The following POGLUT1 variants were observed in gnomAD, a reference collection of about 807,000 sequenced individuals.
POGLUT1 encodes 9630046K23Rik.
POGLUT1 carries 32 observed loss-of-function variants against 61.3 expected under a neutral mutation model. The ratio of observed to expected loss-of-function variants is 0.52; its 90% CI spans 0.39 to 0.70. The LOEUF (loss-of-function observed/expected upper bound fraction) is 0.70, where lower values mean the gene tolerates loss of function less well. POGLUT1 is among the 30% of genes least tolerant of loss of function. The probability of loss-of-function intolerance (pLI) is 0.00; values close to 1 mark genes in which losing one functional copy is unlikely to be tolerated. For synonymous variants in POGLUT1, 158 were observed against 158.2 expected (o/e 1.00, Z 0.01); for missense variants, 411 against 469.8 (o/e 0.87, Z 1.16).
intron 3 of POGLUT1, among the ~76,000 whole-genome samples, chr3:119,476,528 C>T (rs2081540057): frequency 6.6e-6 from 1 of 152,032 alleles, no homozygotes; most frequent in African/African-American, 2.4e-5. Context: ...CTCAAATAAC[C>T]CTTCTGCCTA....
In POGLUT1 at chr3:119,480,110, T is replaced by TG. The variant is rs371336038; in HGVS notation, c.517dup (p.Val173GlyfsTer61). The TG allele has an allele frequency of 6.2e-7, 1 of 1,613,142 alleles. No individual in the cohort carries two copies. The highest frequency in any genetic ancestry group is 1.3e-5 in the African/African-American group (1 of 74,992). On this transcript the variant is annotated frameshift_variant, in exon 5 of 11. Coordinates refer to ENST00000295588, the MANE Select transcript of POGLUT1 (RefSeq NM_152305.3). LOFTEE classifies it high-confidence loss of function. Reference sequence around the variant, plus strand: ...GGACATTTTGGGAAGGGGGACCTGCTGTTTGGCCAATTTATCCTACAGGTC... The same window carrying TG: ...GGACATTTTGGGAAGGGGGACCTGCTGGTTTGGCCAATTTATCCTACAGGTC...
chr3:119,481,901 GA>G (rs1409856599), intron 5 of POGLUT1, among the ~76,000 whole-genome samples: 7 of 152,034 alleles, frequency 4.6e-5, no homozygotes, highest in South Asian at 2.1e-4. Context: ...GAGAGGGGGG[GA>G]AAAAGGTGTG....
In POGLUT1 at chr3:119,493,061, C is replaced by G. The variant is rs2081772014; in HGVS notation, c.*623C>G. ...TTCTATAATGCCACATAGAAAGAGG[C>G]CAATTGCATGAGTAATTATTGCAAT... On this transcript the variant is annotated 3_prime_UTR_variant, in exon 11 of 11. Transcript: ENST00000295588. 6.6e-6 allele frequency: 1 copy of G among 151,754 alleles called. No homozygotes were observed. The highest frequency in any genetic ancestry group is 2.4e-5 in the African/African-American group (1 of 41,030). 9.4% of individuals were successfully genotyped at this position (151,754 alleles called of 1,614,324 possible). A position where few individuals can be genotyped will look rare whatever the true frequency, so the allele number is the denominator to read the frequency against.
intron 2 of POGLUT1, among the ~76,000 whole-genome samples, chr3:119,470,772 C>T (rs1041150119): frequency 6.6e-6 from 1 of 152,152 alleles, no homozygotes; most frequent in Admixed American, 6.5e-5. Flanking sequence ...ATTTTTGACT[C>T]CTCAAAAAAT....
In POGLUT1 at chr3:119,480,162, G is replaced by C. The variant is rs766287545; in HGVS notation, c.568G>C (p.Asp190His). The stretch of plus-strand genomic sequence containing the variant: ...TGGACGGTGGGACCTCTTCAGAGAA[G>C]ATCTGGTAAGGTAGGTCCTTTAAAG... ...GLGRWDLFRE[D>H]LVRSAAQWPW... is the part of the protein sequence containing the mutation. Residue 190 changes from aspartate to histidine, a missense_variant, in exon 5 of 11, where the codon GAT becomes CAT. Physicochemically the swap from Asp to His is moderately conservative, Grantham distance 81. Coordinates refer to ENST00000295588, the MANE Select transcript of POGLUT1 (RefSeq NM_152305.3). 1 of 1,580,916 alleles carries C rather than the reference G, an allele frequency of 6.3e-7. No individual in the cohort carries two copies. Among genetic ancestry groups the C allele is most frequent in the African/African-American group, 1.4e-5 (1 of 72,802 alleles).
At chr3:119,475,550 C>T (rs917595583) in intron 3 of POGLUT1, among the ~76,000 whole-genome samples, 5 of 152,168 alleles carry the variant, frequency 3.3e-5, no homozygotes, top group Admixed American at 6.5e-5. Flanking sequence ...AGGTGGCTCA[C>T]GCCTGTTATC....
intron 7 of POGLUT1, 123 bp downstream of exon 7, chr3:119,487,055 C>T (rs2081673609): frequency 1.4e-6 from 1 of 714,382 alleles, no homozygotes; most frequent in Non-Finnish European, 2.5e-6. Context: ...AAAGAAAGTT[C>T]CATGAACCAG....
chr3:119,477,581 T>A, intron 4 of POGLUT1, 133 bp downstream of exon 4: 1 of 785,942 alleles, frequency 1.3e-6, no homozygotes, highest in Non-Finnish European at 2.1e-6. Flanking sequence ...TGGGTCTGTG[T>A]CTCTATTAGC....
At position 119,473,651 on chromosome 3, in the gene POGLUT1, G is replaced by A. The variant is rs184821901; in HGVS notation, c.320+2199G>A. On this transcript the variant is annotated intron_variant, in intron 3 of 10. Coordinates refer to ENST00000295588, the MANE Select transcript of POGLUT1 (RefSeq NM_152305.3). ...ATAGTTAGAAATAATATCTTTCTACGTCTAGATACTTTTTTTTTTTTTTTT... is the reference window on the plus strand; with the variant it reads ...ATAGTTAGAAATAATATCTTTCTACATCTAGATACTTTTTTTTTTTTTTTT... Among the ~76,000 whole-genome samples the A allele has an allele frequency of 2.5e-3, 382 of 150,970 alleles. 1 individual carries two copies. The highest frequency in any genetic ancestry group is 7.8e-3 in the African/African-American group (319 of 41,120).
At chr3:119,477,166 A>G (rs1167170242) in intron 3 of POGLUT1, 147 bp from the exon 4 acceptor site, 4 of 754,064 alleles carry the variant, frequency 5.3e-6, no homozygotes, top group Non-Finnish European at 8.9e-6. Flanking sequence ...CTTTAGAAGC[A>G]TTGTTTTCAG....
intron 4 of POGLUT1, among the ~76,000 whole-genome samples, chr3:119,478,888 CA>C (rs367802266): frequency 0.037 from 3,176 of 86,018 alleles, 105 homozygotes; most frequent in African/African-American, 0.14. Context: ...GCAGGTGGAT[CA>C]AAAAAAAAAA....
rs549377705 is a variant in POGLUT1, at chr3:119,492,540, T to A, written c.*102T>A. On this transcript the variant is annotated 3_prime_UTR_variant, in exon 11 of 11. Transcript: ENST00000295588. ...TGGCACCTATACCTTGAATATCTGC[T>A]ATCAAGCCAAATACCTGGTTTTCCT... The A allele has an allele frequency of 1.5e-6, 1 of 664,822 alleles. No individual in the cohort carries two copies. Among genetic ancestry groups the A allele is most frequent in the African/African-American group, 1.8e-5 (1 of 54,506 alleles). 41.2% of individuals were successfully genotyped at this position (664,822 alleles called of 1,614,324 possible).
chr3:119,471,285 T>C, intron 2 of POGLUT1, 24 bp from the exon 3 acceptor site: 3 of 1,612,746 alleles, frequency 1.9e-6, no homozygotes, highest in South Asian at 1.1e-5. Context: ...CCTGCTTTCC[T>C]TGATGACTCC....
intron 3 of POGLUT1, among the ~76,000 whole-genome samples, chr3:119,477,001 TAAAGA>T (rs975240403): frequency 6.6e-6 from 1 of 152,122 alleles, no homozygotes; most frequent in African/African-American, 2.4e-5. Flanking sequence ...ATAAGGGAAA[TAAAGA>T]AAAGAACTGG....
chr3:119,474,633 C>T (rs992834708), intron 3 of POGLUT1, among the ~76,000 whole-genome samples: 1 of 151,914 alleles, frequency 6.6e-6, no homozygotes, highest in Admixed American at 6.6e-5. Context: ...GTCAGGAGTT[C>T]GAGATCACCC....
chr3:119,490,652 T>TC lies in POGLUT1; in HGVS notation c.900dup (p.Phe301LeufsTer32). The TC allele has an allele frequency of 6.2e-7, 1 of 1,613,548 alleles. No homozygotes were observed. The highest frequency in any genetic ancestry group is 1.3e-5 in the African/African-American group (1 of 75,016). ...CATGTTGGTGATGAGTGGCTAGAATTCTTCTATCCACAGCTGAAGCCATGG... is the reference window on the plus strand; with the variant it reads ...CATGTTGGTGATGAGTGGCTAGAATTCCTTCTATCCACAGCTGAAGCCATGG... On this transcript the variant is annotated frameshift_variant, in exon 9 of 11. Coordinates refer to ENST00000295588, the MANE Select transcript of POGLUT1 (RefSeq NM_152305.3). LOFTEE classifies it high-confidence loss of function.
intron 9 of POGLUT1, among the ~76,000 whole-genome samples, chr3:119,491,218 TATAA>T (rs974839911): frequency 2.0e-5 from 3 of 147,996 alleles, no homozygotes; most frequent in Middle Eastern, 3.6e-3. Context: ...TGTAAAATAA[TATAA>T]ATATCTAATA....
In POGLUT1 at chr3:119,486,453, G is replaced by A. The variant is rs77130838; in HGVS notation, c.639-380G>A. Among the ~76,000 whole-genome samples the A allele has an allele frequency of 2.5e-3, 374 of 152,246 alleles. 1 individual carries two copies. The highest frequency in any genetic ancestry group is 7.6e-3 in the African/African-American group (315 of 41,546). On this transcript the variant is annotated intron_variant, in intron 6 of 10. Coordinates refer to ENST00000295588, the MANE Select transcript of POGLUT1 (RefSeq NM_152305.3). ...ACAGAGCATACATAACAAAGGTCAT[G>A]TAGCTGTTTTAGTGAGTCGTGACTA...
chr3:119,493,504 T>C lies in POGLUT1; in HGVS notation c.*1066T>C, dbSNP rs1193466929. On this transcript the variant is annotated 3_prime_UTR_variant, in exon 11 of 11. Coordinates refer to ENST00000295588, the MANE Select transcript of POGLUT1 (RefSeq NM_152305.3). ...TAACATAGTAAAAAATGAAGAAAAA[T>C]GTTTAGATTAAAACTCTGTAGTCTG... The C allele has an allele frequency of 2.0e-5, 3 of 152,192 alleles. No homozygotes were observed. The highest frequency in any genetic ancestry group is 4.8e-5 in the African/African-American group (2 of 41,456). The allele number at this position is 152,192 out of a possible 1,614,324, so 9.4% of individuals were successfully genotyped here. A position where few individuals can be genotyped will look rare whatever the true frequency, so the allele number is the denominator to read the frequency against.
Sources: gnomAD v4.1 joint callset for allele counts (sites outside exome capture counted in the v4.1 genomes callset) on GRCh38, gnomAD v4.1.1 for gene constraint, MANE v1.5 for transcripts, NCBI Gene and HGNC (gene_info 2026-07-23, HGNC 2026-07-21) for gene names.